The following GFRAL variants were observed in gnomAD, a reference collection of about 807,000 sequenced individuals.
The protein encoded by GFRAL is GDNF family receptor alpha-like.
In GFRAL, 36 loss-of-function variants were observed where a neutral mutation model predicts 45.4. The observed-to-expected ratio is 0.79, with a 90% CI of 0.61 to 1.05. The LOEUF (loss-of-function observed/expected upper bound fraction) is 1.05, where lower values mean the gene tolerates loss of function less well. GFRAL is among the 50% of genes least tolerant of loss of function. GFRAL has a pLI of 0.00. For synonymous variants in GFRAL, 166 were observed against 154.1 expected, an observed-to-expected ratio of 1.08 and a Z score of -0.57; for missense variants, 507 against 467.5, an observed-to-expected ratio of 1.08 and a Z score of -0.78.
intron 6 of GFRAL, among the ~76,000 whole-genome samples, chr6:55,360,901 A>G (rs913910708): frequency 2.6e-5 from 4 of 151,984 alleles, no homozygotes; most frequent in Admixed American, 1.3e-4. Context: ...CAGGTTAATA[A>G]TGATTCAATT....
chr6:55,397,612 A>G (rs1390830240), intron 6 of GFRAL, among the ~76,000 whole-genome samples: 2 of 150,172 alleles, frequency 1.3e-5, no homozygotes, highest in Admixed American at 1.3e-4. Context: ...CAAAATCCTC[A>G]CTTTTCTAGT....
chr6:55,353,415 C>T (rs893407478), intron 5 of GFRAL, among the ~76,000 whole-genome samples: 1 of 152,020 alleles, frequency 6.6e-6, no homozygotes, highest in Non-Finnish European at 1.5e-5. Flanking sequence ...CTATAGCACA[C>T]ATTCTATGAA....
intron 3 of GFRAL, among the ~76,000 whole-genome samples, chr6:55,334,311 G>GA (rs1767866266): frequency 6.6e-6 from 1 of 152,144 alleles, no homozygotes; most frequent in Non-Finnish European, 1.5e-5. Flanking sequence ...AAACCTAGAT[G>GA]ATAGAAGGCA....
chr6:55,402,041 A>G lies in GFRAL; in HGVS notation c.*188A>G, dbSNP rs1280408524. ...GCCCAGGCTGCAGTACAATGGCTCA[A>G]TCTCGGTTCACTGCAACCTCTGCCT... On this transcript the variant is annotated 3_prime_UTR_variant, in exon 9 of 9. Coordinates refer to ENST00000340465, the MANE Select transcript of GFRAL (RefSeq NM_207410.2). 4.4e-6 allele frequency: 2 copies of G among 454,756 alleles called. No individual in the cohort carries two copies. The highest frequency in any genetic ancestry group is 5.5e-4 in the Middle Eastern group (1 of 1,820). The allele number at this position is 454,756 out of a possible 1,614,324, so 28.2% of individuals were successfully genotyped here. A position where few individuals can be genotyped will look rare whatever the true frequency, so the allele number is the denominator to read the frequency against.
Position 55,354,050 on chromosome 6 carries a change from C to T in GFRAL, c.701+2467C>T, listed in dbSNP as rs948268636. ...TATCAGATTTATTCACAGATGGGTACCCAGCTTTGCCTGATTCCAGTGCCA... is the reference window on the plus strand; with the variant it reads ...TATCAGATTTATTCACAGATGGGTATCCAGCTTTGCCTGATTCCAGTGCCA... On this transcript the variant is annotated intron_variant, in intron 5 of 8. Coordinates refer to ENST00000340465, the MANE Select transcript of GFRAL (RefSeq NM_207410.2). Among the ~76,000 whole-genome samples the T allele has an allele frequency of 3.3e-5, 5 of 151,996 alleles. 1 individual carries two copies. The highest frequency in any genetic ancestry group is 1.2e-4 in the African/African-American group (5 of 41,422).
intron 6 of GFRAL, among the ~76,000 whole-genome samples, chr6:55,378,439 T>C (rs1768563699): frequency 6.6e-6 from 1 of 152,016 alleles, no homozygotes; most frequent in Non-Finnish European, 1.5e-5. Context: ...TCAGCATTGG[T>C]AGAACACTAA....
chr6:55,337,639 C>G (rs2127351045), intron 3 of GFRAL, among the ~76,000 whole-genome samples: 2 of 152,270 alleles, frequency 1.3e-5, no homozygotes, highest in Middle Eastern at 3.4e-3. Context: ...TAATTTGTGT[C>G]TTCCATTTGC....
intron 6 of GFRAL, among the ~76,000 whole-genome samples, chr6:55,363,334 G>A (rs1424220200): frequency 6.6e-6 from 1 of 151,536 alleles, no homozygotes; most frequent in Non-Finnish European, 1.5e-5. Flanking sequence ...CATTTTTTAA[G>A]GCAATCAAAC....
At chr6:55,341,578 C>G (rs1016818583) in intron 3 of GFRAL, among the ~76,000 whole-genome samples, 2 of 152,160 alleles carry the variant, frequency 1.3e-5, no homozygotes, top group African/African-American at 4.8e-5. Flanking sequence ...GGGGAAAAAA[C>G]AGAGCAGAAA....
At chr6:55,396,529 T>C (rs1213579810) in intron 6 of GFRAL, among the ~76,000 whole-genome samples, 1 of 152,122 alleles carries the variant, frequency 6.6e-6, no homozygotes, top group African/African-American at 2.4e-5. Flanking sequence ...TTGTATATAC[T>C]TAGGCCATGA....
At chr6:55,368,339 T>C (rs1167168096) in intron 6 of GFRAL, among the ~76,000 whole-genome samples, 5 of 148,998 alleles carry the variant, frequency 3.4e-5, no homozygotes, top group Admixed American at 2.7e-4. Flanking sequence ...AGTTATACAT[T>C]CTTCTAAATT....
At chr6:55,333,719 T>G in intron 2 of GFRAL, 67 bp from the exon 3 acceptor site, 1 of 1,013,110 alleles carries the variant, frequency 9.9e-7, no homozygotes, top group South Asian at 2.8e-5. Context: ...TTAAAAGTAC[T>G]TTGGGGAGGA....
At chr6:55,397,629 T>C (rs995842684) in intron 6 of GFRAL, among the ~76,000 whole-genome samples, 3 of 152,058 alleles carry the variant, frequency 2.0e-5, no homozygotes, top group African/African-American at 4.8e-5. Context: ...TAGTCTTGTG[T>C]TGGGCTGCTG....
At chr6:55,332,423 T>C (rs1360131556) in intron 2 of GFRAL, among the ~76,000 whole-genome samples, 2 of 146,118 alleles carry the variant, frequency 1.4e-5, no homozygotes, top group South Asian at 2.2e-4. Context: ...TTCTTTTTTC[T>C]TTTTTTTTTT....
intron 4 of GFRAL, 67 bp downstream of exon 4, chr6:55,350,212 A>G (rs1768098076): frequency 1.0e-6 from 1 of 959,914 alleles, no homozygotes. Flanking sequence ...TGCAGTTACC[A>G]GGCTTCTTAA....
chr6:55,351,447 T>A lies in GFRAL; in HGVS notation c.565T>A (p.Cys189Ser). ...PFNIAQMLAF[C>S]DCAQSDIPCQ... Reference sequence around the variant, plus strand: ...TAACATTGCCCAGATGTTGGCTTTTTGTGACTGTGCTCAATCTGATATACC... The same window carrying A: ...TAACATTGCCCAGATGTTGGCTTTTAGTGACTGTGCTCAATCTGATATACC... The change falls in exon 5 of 9, where the codon TGT becomes AGT. Residue 189 changes from cysteine to serine, a missense_variant. By Grantham distance (112) the Cys-to-Ser change is moderately radical. Transcript: ENST00000340465. 3.7e-6 allele frequency: 6 copies of A among 1,613,716 alleles called. No individual in the cohort carries two copies. Among genetic ancestry groups the A allele is most frequent in the Non-Finnish European group, 5.1e-6 (6 of 1,179,762 alleles).
At chr6:55,371,574 T>A (rs1462978342) in intron 6 of GFRAL, among the ~76,000 whole-genome samples, 1 of 152,182 alleles carries the variant, frequency 6.6e-6, no homozygotes, top group African/African-American at 2.4e-5. Flanking sequence ...CTGACATTTG[T>A]CACAAGTTTT....
At chr6:55,340,508 A>G (rs1409317105) in intron 3 of GFRAL, among the ~76,000 whole-genome samples, 2 of 152,206 alleles carry the variant, frequency 1.3e-5, no homozygotes, top group African/African-American at 4.8e-5. Context: ...AAAGAGCATC[A>G]TCAAATGAAA....
chr6:55,381,769 A>G (rs1012164857), intron 6 of GFRAL, among the ~76,000 whole-genome samples: 2 of 151,892 alleles, frequency 1.3e-5, no homozygotes, highest in East Asian at 1.9e-4. Flanking sequence ...ATTACAGACT[A>G]TAAATAAAAC....
Sources: allele counts gnomAD v4.1 joint callset (sites outside exome capture counted in the v4.1 genomes callset), GRCh38; gene constraint gnomAD v4.1.1; transcripts MANE v1.5; gene names NCBI Gene and HGNC (gene_info 2026-07-23, HGNC 2026-07-21).